PIK3C2G: variants seen among roughly 807,000 people sequenced by gnomAD.
PIK3C2G encodes the protein phosphatidylinositol-4-phosphate 3-kinase catalytic subunit type 2 gamma.
PIK3C2G carries 168 observed loss-of-function variants against 181.1 expected under a neutral mutation model. The observed-to-expected ratio is 0.93, with a 90% CI of 0.82 to 1.05. The LOEUF is 1.05. PIK3C2G is among the 50% of genes least tolerant of loss of function. The pLI is 0.00. For synonymous variants in PIK3C2G, 573 were observed against 592.2 expected (o/e 0.97, Z 0.47); for missense variants, 1,869 against 1,732.8 (o/e 1.08, Z -1.40).
chr12:18,681,669 T>A, the PIK3C2G span, among the ~76,000 whole-genome samples: 1 of 152,050 alleles, frequency 6.6e-6, no homozygotes, highest in Non-Finnish European at 1.5e-5. Flanking sequence ...AATAAAATAA[T>A]TTAATATTTC....
At chr12:18,626,711 T>C (rs1402086486) in intron 31 of PIK3C2G, among the ~76,000 whole-genome samples, 1 of 152,042 alleles carries the variant, frequency 6.6e-6, no homozygotes, top group Admixed American at 6.6e-5. Context: ...TTTTTCTTCT[T>C]TCAGCACTTC....
At chr12:18,388,954 A>G (rs1943358722) in intron 14 of PIK3C2G, among the ~76,000 whole-genome samples, 1 of 152,190 alleles carries the variant, frequency 6.6e-6, no homozygotes, top group Admixed American at 6.5e-5. Flanking sequence ...TGCTGTTGTT[A>G]AAATAAGGAG....
intron 24 of PIK3C2G, among the ~76,000 whole-genome samples, chr12:18,518,581 C>A (rs1274104348): frequency 6.6e-6 from 1 of 151,818 alleles, no homozygotes; most frequent in Non-Finnish European, 1.5e-5. Flanking sequence ...AGTGTTGATA[C>A]CCCCTTTATC....
chr12:18,275,292 C>T (rs1474826343), intron 1 of PIK3C2G, among the ~76,000 whole-genome samples: 1 of 152,188 alleles, frequency 6.6e-6, no homozygotes, highest in Non-Finnish European at 1.5e-5. Flanking sequence ...TGACCTAGTA[C>T]TTTGTAACAA....
intron 18 of PIK3C2G, among the ~76,000 whole-genome samples, chr12:18,432,254 A>T (rs144704764): frequency 9.1e-4 from 138 of 152,312 alleles, no homozygotes; most frequent in African/African-American, 3.1e-3. Flanking sequence ...TCCAGCATCA[A>T]TGTATCACTG....
intron 11 of PIK3C2G, among the ~76,000 whole-genome samples, chr12:18,351,045 T>C (rs1940169684): frequency 6.6e-6 from 1 of 152,148 alleles, no homozygotes; most frequent in Non-Finnish European, 1.5e-5. Flanking sequence ...AGAATATTTA[T>C]TTTAAGTGAC....
At chr12:18,683,753 T>G in the PIK3C2G span, 1 of 635,464 alleles carries the variant, frequency 1.6e-6, no homozygotes, top group African/African-American at 1.9e-5. Context: ...AAGGATAGTC[T>G]CAGGCTCCCA....
chr12:18,417,280 C>T (rs1208342942), intron 16 of PIK3C2G, among the ~76,000 whole-genome samples: 1 of 152,102 alleles, frequency 6.6e-6, no homozygotes, highest in Non-Finnish European at 1.5e-5. Flanking sequence ...GAATTTACTC[C>T]TGGTGAAGAT....
At chr12:18,654,469 T>C in the PIK3C2G span, among the ~76,000 whole-genome samples, 1 of 152,124 alleles carries the variant, frequency 6.6e-6, no homozygotes. Context: ...AATAGATCTT[T>C]CAAGTGGTTA....
chr12:18,353,818 G>C (rs189301642), intron 11 of PIK3C2G, among the ~76,000 whole-genome samples: 29 of 152,284 alleles, frequency 1.9e-4, no homozygotes, highest in Non-Finnish European at 3.4e-4. Flanking sequence ...AGCCTTTCCA[G>C]AAAGGCAGTG....
intron 31 of PIK3C2G, among the ~76,000 whole-genome samples, chr12:18,622,021 G>A (rs1313644446): frequency 6.6e-6 from 1 of 151,836 alleles, no homozygotes; most frequent in Non-Finnish European, 1.5e-5. Context: ...ATTAAATTAA[G>A]CTAATTAACA....
At chr12:18,511,359 G>A (rs1592451968) in intron 24 of PIK3C2G, among the ~76,000 whole-genome samples, 2 of 152,108 alleles carry the variant, frequency 1.3e-5, no homozygotes, top group African/African-American at 4.8e-5. Flanking sequence ...GAGATTATTC[G>A]GTCATACGGT....
chr12:18,714,731 A>G, the PIK3C2G span: 1 of 152,130 alleles, frequency 6.6e-6, no homozygotes, highest in Non-Finnish European at 1.5e-5. Context: ...GTCTGGAGAC[A>G]TTTTCGGCTG....
intron 6 of PIK3C2G, 100 bp from the exon 7 acceptor site, chr12:18,320,862 A>G (rs1951078810): frequency 1.4e-6 from 1 of 689,948 alleles, no homozygotes; most frequent in Non-Finnish European, 2.5e-6. Context: ...GGTTTATCAA[A>G]ATAGGTGAAT....
chr12:18,636,490 C>T (rs1219856260), intron 31 of PIK3C2G, among the ~76,000 whole-genome samples: 2 of 152,142 alleles, frequency 1.3e-5, no homozygotes, highest in African/African-American at 4.8e-5. Flanking sequence ...CTCGGCCTCC[C>T]AAAGTGCTGG....
chr12:18,568,250 G>A (rs964894978), intron 29 of PIK3C2G, among the ~76,000 whole-genome samples: 5 of 152,146 alleles, frequency 3.3e-5, no homozygotes, highest in African/African-American at 1.2e-4. Context: ...AAATGTGCAA[G>A]GACACAGCTC....
At chr12:18,522,364 T>C (rs1322731658) in intron 24 of PIK3C2G, among the ~76,000 whole-genome samples, 2 of 152,202 alleles carry the variant, frequency 1.3e-5, no homozygotes, top group Admixed American at 1.3e-4. Context: ...TTTTCATTTG[T>C]TTTTTGTTAT....
chr12:18,276,005 A>T (rs1465849198), intron 1 of PIK3C2G, among the ~76,000 whole-genome samples: 1 of 152,206 alleles, frequency 6.6e-6, no homozygotes, highest in East Asian at 1.9e-4. Flanking sequence ...ACACTCAGTA[A>T]AACAATATTT....
At chr12:18,639,286 CG>C (rs1257478905) in intron 31 of PIK3C2G, among the ~76,000 whole-genome samples, 3 of 152,142 alleles carry the variant, frequency 2.0e-5, no homozygotes, top group South Asian at 2.1e-4. Context: ...CTTTACTACA[CG>C]TTTTTTTGAG....
Sources: allele counts gnomAD v4.1 joint callset (sites outside exome capture counted in the v4.1 genomes callset), GRCh38; gene constraint gnomAD v4.1.1; transcripts MANE v1.5; gene names NCBI Gene and HGNC (gene_info 2026-07-23, HGNC 2026-07-21).